Variants in RANBP2 observed in about 807,000 individuals in gnomAD.
RANBP2 encodes E3 SUMO-protein ligase RanBP2.
A neutral mutation model predicts 303.6 loss-of-function variants in RANBP2; 57 were observed. The ratio of observed to expected loss-of-function variants is 0.19; its 90% CI spans 0.15 to 0.23. RANBP2 has a LOEUF of 0.23. Ranked by LOEUF, RANBP2 falls within the 10% of genes least tolerant of loss-of-function variation. RANBP2 has a pLI of 1.00. For missense variants in RANBP2, 3,138 were observed against 3,780.8 expected (o/e 0.83, Z 4.46); for synonymous variants, 1,167 against 1,301.5 (o/e 0.90, Z 2.23).
chr2:109,447,791 T>C, the RANBP2 span, among the ~76,000 whole-genome samples: 1 of 152,356 alleles, frequency 6.6e-6, no homozygotes, highest in Non-Finnish European at 1.5e-5. Flanking sequence ...GGGAGCTGTA[T>C]CTTTTCATAT....
the RANBP2 span, among the ~76,000 whole-genome samples, chr2:109,391,241 C>T: frequency 6.6e-6 from 1 of 152,370 alleles, no homozygotes; most frequent in East Asian, 1.9e-4. Flanking sequence ...TTCAGTTATC[C>T]GAATAGTCAC....
At chr2:108,854,002 TTATATATAATATATAATAAATTTATATTA>T in the RANBP2 span, among the ~76,000 whole-genome samples, 10 of 10,678 alleles carry the variant, frequency 9.4e-4, no homozygotes, top group East Asian at 0.011. Flanking sequence ...TAAATTTATA[TTATATATAATATATAATAAATTTATATTA>T]TATATAATAT....
the RANBP2 span, among the ~76,000 whole-genome samples, chr2:109,533,387 G>T: frequency 6.6e-6 from 1 of 152,118 alleles, no homozygotes; most frequent in Non-Finnish European, 1.5e-5. Context: ...TACTAGACAC[G>T]CTTTGTTTCT....
At chr2:109,582,741 C>T in the RANBP2 span, among the ~76,000 whole-genome samples, 1 of 152,128 alleles carries the variant, frequency 6.6e-6, no homozygotes, top group African/African-American at 2.4e-5. Flanking sequence ...AGCAAAAGAA[C>T]AAAGCCTGAG....
At chr2:109,256,387 G>A in the RANBP2 span, among the ~76,000 whole-genome samples, 68 of 152,298 alleles carry the variant, frequency 4.5e-4, no homozygotes, top group African/African-American at 1.6e-3. Flanking sequence ...GGATATGAGC[G>A]GCAATGCGAT....
the RANBP2 span, among the ~76,000 whole-genome samples, chr2:109,430,763 C>G: frequency 6.6e-6 from 1 of 152,130 alleles, no homozygotes; most frequent in African/African-American, 2.4e-5. Flanking sequence ...GGTGGGGTGG[C>G]GGGGTCCTCT....
the RANBP2 span, among the ~76,000 whole-genome samples, chr2:109,393,626 C>T: frequency 6.6e-6 from 1 of 152,064 alleles, no homozygotes; most frequent in African/African-American, 2.4e-5. Flanking sequence ...CCTGCTTGCA[C>T]CCTTGGCTTC....
At chr2:109,576,493 T>C in the RANBP2 span, among the ~76,000 whole-genome samples, 1 of 152,174 alleles carries the variant, frequency 6.6e-6, no homozygotes, top group Non-Finnish European at 1.5e-5. Context: ...TCAAAGTGAT[T>C]ATTATAACAA....
At chr2:109,156,309 C>G in the RANBP2 span, among the ~76,000 whole-genome samples, 1 of 152,220 alleles carries the variant, frequency 6.6e-6, no homozygotes, top group African/African-American at 2.4e-5. Context: ...TTTCTCCGCC[C>G]CTCGCATCTT....
the RANBP2 span, among the ~76,000 whole-genome samples, chr2:109,734,355 C>G: frequency 2.0e-5 from 3 of 151,796 alleles, no homozygotes; most frequent in South Asian, 2.1e-4. Context: ...TTTCTATACA[C>G]CAGAAGGAAA....
chr2:108,726,816 T>TA (rs1484049720), intron 1 of RANBP2, among the ~76,000 whole-genome samples: 1 of 151,914 alleles, frequency 6.6e-6, no homozygotes, highest in Non-Finnish European at 1.5e-5. Context: ...TTACTTGAGA[T>TA]TAGGGAGTGG....
chr2:109,341,489 A>G, the RANBP2 span, among the ~76,000 whole-genome samples: 1 of 152,236 alleles, frequency 6.6e-6, no homozygotes, highest in Non-Finnish European at 1.5e-5. Flanking sequence ...TGGCTTGAAA[A>G]ATGCTTACGA....
the RANBP2 span, among the ~76,000 whole-genome samples, chr2:109,598,613 C>T: frequency 2.0e-5 from 3 of 151,830 alleles, no homozygotes; most frequent in Non-Finnish European, 1.5e-5. Context: ...GAGGCTGAGG[C>T]AGGTAGATCA....
At chr2:109,337,516 C>G in the RANBP2 span, among the ~76,000 whole-genome samples, 1 of 152,186 alleles carries the variant, frequency 6.6e-6, no homozygotes, top group Admixed American at 6.5e-5. Flanking sequence ...CTGGAGGCAC[C>G]CCCGGTCACA....
chr2:109,253,129 G>A, the RANBP2 span, among the ~76,000 whole-genome samples: 1 of 152,092 alleles, frequency 6.6e-6, no homozygotes, highest in Non-Finnish European at 1.5e-5. Flanking sequence ...ACGAGTTCAA[G>A]TGATTCTCCT....
chr2:109,572,501 G>A, the RANBP2 span, among the ~76,000 whole-genome samples: 2 of 152,050 alleles, frequency 1.3e-5, no homozygotes, highest in Non-Finnish European at 1.5e-5. Flanking sequence ...GCTAAGTGGC[G>A]GGGCTGAAGC....
chr2:109,641,293 C>T, the RANBP2 span, among the ~76,000 whole-genome samples: 844 of 152,272 alleles, frequency 5.5e-3, 6 homozygotes, highest in Non-Finnish European at 9.5e-3. Context: ...AATACACCAG[C>T]ATGCCCATTC....
At chr2:109,379,697 G>A in the RANBP2 span, among the ~76,000 whole-genome samples, 2 of 152,192 alleles carry the variant, frequency 1.3e-5, no homozygotes, top group African/African-American at 4.8e-5. Context: ...CCCAGCCTTA[G>A]TGTGGATGCC....
At chr2:109,638,427 C>A in the RANBP2 span, among the ~76,000 whole-genome samples, 9 of 152,172 alleles carry the variant, frequency 5.9e-5, no homozygotes, top group Admixed American at 5.9e-4. Context: ...AATTCCCCAC[C>A]AGGTGTGCAT....
Sources: gnomAD v4.1 joint callset for allele counts (sites outside exome capture counted in the v4.1 genomes callset) on GRCh38, gnomAD v4.1.1 for gene constraint, MANE v1.5 for transcripts, NCBI Gene and HGNC (gene_info 2026-07-23, HGNC 2026-07-21) for gene names.